RACGAP1: variants seen among roughly 807,000 people sequenced by gnomAD.
RACGAP1 encodes the protein Rac GTPase activating protein 1.
Under a neutral mutation model 78.1 loss-of-function variants are expected in RACGAP1, and 30 were observed. The observed-to-expected ratio is 0.38, with a 90% confidence interval of 0.29 to 0.52. RACGAP1 has a LOEUF of 0.52. Among genes scored for constraint, RACGAP1 ranks in the 20% least tolerant of loss-of-function variants. The pLI is 0.82. For synonymous variants in RACGAP1, 231 were observed against 264.8 expected (o/e 0.87, Z 1.24); for missense variants, 587 against 777.1 (o/e 0.76, Z 2.91).
intron 10 of RACGAP1, 147 bp from the exon 11 acceptor site, chr12:49,994,656 A>T (rs1214649489): frequency 7.6e-7 from 1 of 1,310,480 alleles, no homozygotes; most frequent in Middle Eastern, 2.7e-4. Context: ...CATATATTAA[A>T]ACAGAGACTC....
intron 10 of RACGAP1, among the ~76,000 whole-genome samples, 184 bp downstream of exon 10, chr12:49,996,856 A>T (rs1266603689): frequency 1.3e-5 from 2 of 152,196 alleles, no homozygotes; most frequent in African/African-American, 2.4e-5. Context: ...AGTTTGGTTT[A>T]GAAAGGTATT....
At chr12:50,001,030 A>C in intron 7 of RACGAP1, 142 bp downstream of exon 7, 2 of 649,488 alleles carry the variant, frequency 3.1e-6, no homozygotes, top group Non-Finnish European at 5.0e-6. Context: ...CCTGGGCTAC[A>C]AGAACAAAAC....
chr12:50,030,107 C>G (rs1407919982), upstream of RACGAP1, among the ~76,000 whole-genome samples: 1 of 151,972 alleles, frequency 6.6e-6, no homozygotes, highest in South Asian at 2.1e-4. Context: ...CTCCTCTCTA[C>G]AAAAAACTGA....
At chr12:50,005,665 A>G (rs1948932154) in intron 3 of RACGAP1, among the ~76,000 whole-genome samples, 1 of 152,222 alleles carries the variant, frequency 6.6e-6, no homozygotes, top group African/African-American at 2.4e-5. Context: ...AATAATGCAA[A>G]ATGAGAGTCC....
chr12:49,999,766 C>A (rs1592152550), intron 7 of RACGAP1, 33 bp from the exon 8 acceptor site: 2 of 1,523,350 alleles, frequency 1.3e-6, no homozygotes, highest in Middle Eastern at 1.7e-4. Flanking sequence ...GAAAGACAAA[C>A]AAAGAATCTA....
intron 2 of RACGAP1, among the ~76,000 whole-genome samples, chr12:50,010,990 C>T (rs935543967): frequency 2.0e-5 from 3 of 151,168 alleles, no homozygotes; most frequent in Admixed American, 6.6e-5. Context: ...TGATGAAAGG[C>T]AAGAGTAAGG....
chr12:50,002,025 A>G (rs1948708462), intron 6 of RACGAP1, among the ~76,000 whole-genome samples: 1 of 150,396 alleles, frequency 6.6e-6, no homozygotes, highest in South Asian at 2.1e-4. Flanking sequence ...AGATCGCGCC[A>G]TTGCACTCCA....
rs1162030822 is a variant in RACGAP1 at position 50,025,418 on chromosome 12, C to G, written c.-25G>C. ...CTCACTTCAGTCAGCCTGGCCCCACCTGGGCCACCCTTCACTTCGCTCCGC... is the reference window on the plus strand; with the variant it reads ...CTCACTTCAGTCAGCCTGGCCCCACGTGGGCCACCCTTCACTTCGCTCCGC... On this transcript the variant is annotated 5_prime_UTR_variant, in exon 1 of 17. Coordinates refer to ENST00000312377, the MANE Select transcript of RACGAP1 (RefSeq NM_001319999.2). 25 of 985,750 alleles carry G rather than the reference C, an allele frequency of 2.5e-5. No homozygotes were observed. In the East Asian group the frequency reaches 2.5e-3, roughly 98 times the overall value. The allele number at this position is 985,750 out of a possible 1,614,324, so 61.1% of individuals were successfully genotyped here.
intron 2 of RACGAP1, among the ~76,000 whole-genome samples, chr12:50,009,628 A>C (rs1949188186): frequency 6.6e-6 from 1 of 152,200 alleles, no homozygotes; most frequent in Non-Finnish European, 1.5e-5. Flanking sequence ...ACTTGAAATA[A>C]TCTGTTGAAC....
chr12:49,997,913 G>A (rs1449494469), intron 9 of RACGAP1, among the ~76,000 whole-genome samples: 1 of 152,122 alleles, frequency 6.6e-6, no homozygotes, highest in Non-Finnish European at 1.5e-5. Context: ...CTTAGTATGT[G>A]CCAAAAAATT....
At chr12:50,005,036 T>C (rs1200625038) in intron 4 of RACGAP1, among the ~76,000 whole-genome samples, 1 of 152,234 alleles carries the variant, frequency 6.6e-6, no homozygotes, top group Non-Finnish European at 1.5e-5. Flanking sequence ...ATTGTATCCA[T>C]GGTGAAACAA....
At chr12:49,995,520 T>C (rs898735284) in intron 10 of RACGAP1, among the ~76,000 whole-genome samples, 1 of 151,290 alleles carries the variant, frequency 6.6e-6, no homozygotes, top group Non-Finnish European at 1.5e-5. Context: ...TGAGATAGGG[T>C]CTTGCTCTAT....
At chr12:50,011,270 G>A (rs988402393) in intron 2 of RACGAP1, among the ~76,000 whole-genome samples, 15 of 150,824 alleles carry the variant, frequency 9.9e-5, no homozygotes, top group African/African-American at 3.4e-4. Flanking sequence ...CGAGACGGAG[G>A]GTGCAGTGAG....
intron 9 of RACGAP1, among the ~76,000 whole-genome samples, chr12:49,998,296 C>T (rs942508988): frequency 1.3e-5 from 2 of 151,674 alleles, no homozygotes; most frequent in South Asian, 2.1e-4. Context: ...CCCAGCTACT[C>T]GGGAGGCTGA....
intron 5 of RACGAP1, among the ~76,000 whole-genome samples, chr12:50,003,547 CAA>C (rs955254689): frequency 6.6e-6 from 1 of 152,070 alleles, no homozygotes; most frequent in African/African-American, 2.4e-5. Context: ...AACCAGTCAC[CAA>C]AAACTTCCTG....
At chr12:50,007,549 AG>A (rs1241082360) in intron 2 of RACGAP1, among the ~76,000 whole-genome samples, 1 of 152,258 alleles carries the variant, frequency 6.6e-6, no homozygotes, top group Non-Finnish European at 1.5e-5. Flanking sequence ...AAACTAACCC[AG>A]TTAAAACTGA....
rs770321403 is a variant in RACGAP1 at position 49,999,182 on chromosome 12, T to C, written c.838A>G (p.Ser280Gly). 6.2e-7 allele frequency: 1 copy of C among 1,613,588 alleles called. No individual in the cohort carries two copies. Among genetic ancestry groups the C allele is most frequent in the Non-Finnish European group, 8.5e-7 (1 of 1,179,860 alleles). ...TETDSVGTPQ[S>G]NGGMRLHDFV... ...TCATGCAGGCGCATCCCTCCATTAC[T>C]CTGTGGCGTGCCCACACTGTCTGTC... is the stretch of plus-strand genomic sequence containing the variant. Residue 280 changes from serine to glycine, a missense_variant, in exon 9 of 17, where the codon AGT becomes GGT. Transcript: ENST00000312377.
Position 50,006,487 on chromosome 12 carries a change from C to T in RACGAP1, c.235G>A (p.Val79Met). 4.3e-6 allele frequency: 7 copies of T among 1,614,202 alleles called. No homozygotes were observed. The highest frequency in any genetic ancestry group is 5.9e-6 in the Non-Finnish European group (7 of 1,180,024). ...DVKLKHARNQVDVEIKRRQRA... is the reference protein window; with the variant it reads ...DVKLKHARNQMDVEIKRRQRA... ...TGTCTCCGTTTGATCTCTACATCCA[C>T]CTGATTACGTGCATGCTTCAGCTTA... Residue 79 changes from valine (V) to methionine (M), a missense_variant, in exon 3 of 17, where the codon GTG (valine) becomes ATG (methionine). Physicochemically the swap from Val to Met is conservative, Grantham distance 21 (BLOSUM62 1). Transcript: ENST00000312377.
At chr12:50,007,801 T>C (rs190923988) in intron 2 of RACGAP1, among the ~76,000 whole-genome samples, 1 of 152,240 alleles carries the variant, frequency 6.6e-6, no homozygotes, top group African/African-American at 2.4e-5. Flanking sequence ...ATGACCTAGT[T>C]ATCTTAAACA....
Sources: allele counts gnomAD v4.1 joint callset (sites outside exome capture counted in the v4.1 genomes callset), GRCh38; gene constraint gnomAD v4.1.1; transcripts MANE v1.5; gene names NCBI Gene and HGNC (gene_info 2026-07-23, HGNC 2026-07-21).